The following ARHGEF3 variants were observed in gnomAD, a reference collection of about 807,000 sequenced individuals.
The protein encoded by ARHGEF3 is Rho guanine nucleotide exchange factor 3.
Under a neutral mutation model 63.2 loss-of-function variants are expected in ARHGEF3, and 28 were observed. The ratio of observed to expected loss-of-function variants is 0.44; its 90% CI spans 0.33 to 0.61. The LOEUF (loss-of-function observed/expected upper bound fraction) is 0.61. ARHGEF3 is among the 20% of genes least tolerant of loss of function. ARHGEF3 has a pLI of 0.03. For synonymous variants in ARHGEF3, 266 were observed against 254.2 expected, an observed-to-expected ratio of 1.05 and a Z score of -0.44; for missense variants, 533 against 659.3, an observed-to-expected ratio of 0.81 and a Z score of 2.10.
chr3:57,073,836 C>T (rs1706068661), intron 1 of ARHGEF3: 2 of 1,614,108 alleles, frequency 1.2e-6, no homozygotes, highest in African/African-American at 1.3e-5. Flanking sequence ...CAACAAACCC[C>T]ACTGTGCACT....
At chr3:57,039,554 A>G (rs1704093562) in intron 1 of ARHGEF3, among the ~76,000 whole-genome samples, 2 of 152,142 alleles carry the variant, frequency 1.3e-5, no homozygotes, top group African/African-American at 4.8e-5. Context: ...AACAGCACAA[A>G]TGTATCTCCT....
At chr3:56,802,052 C>T (rs2037686601), upstream of ARHGEF3, 1 of 1,334,960 alleles carries the variant, frequency 7.5e-7, no homozygotes, top group African/African-American at 1.6e-5. Flanking sequence ...CGGGAGGGCC[C>T]ACGTGCCGCA....
intron 3 of ARHGEF3, among the ~76,000 whole-genome samples, chr3:56,921,225 A>AAC (rs1386884941): frequency 2.0e-5 from 3 of 148,036 alleles, no homozygotes; most frequent in Admixed American, 6.7e-5. Flanking sequence ...AAAAAGACCA[A>AAC]AAAAAAAAAG....
chr3:56,731,414 C>T (rs2033147588), intron 9 of ARHGEF3, among the ~76,000 whole-genome samples: 1 of 151,710 alleles, frequency 6.6e-6, no homozygotes, highest in Non-Finnish European at 1.5e-5. Context: ...CCCTGTACTC[C>T]CAGTTACTTG....
At chr3:56,847,186 A>G (rs1165181772) in intron 4 of ARHGEF3, among the ~76,000 whole-genome samples, 1 of 152,226 alleles carries the variant, frequency 6.6e-6, no homozygotes, top group South Asian at 2.1e-4. Flanking sequence ...AACTACAGAT[A>G]GAAAGATTCA....
intron 1 of ARHGEF3, among the ~76,000 whole-genome samples, chr3:57,043,480 G>A (rs1308203462): frequency 1.0e-5 from 1 of 98,122 alleles, no homozygotes; most frequent in Non-Finnish European, 2.1e-5. Context: ...TACTAAAATT[G>A]TTTCAAAGTT....
chr3:56,851,530 G>A (rs2039674322), intron 4 of ARHGEF3, among the ~76,000 whole-genome samples: 1 of 152,170 alleles, frequency 6.6e-6, no homozygotes, highest in Admixed American at 6.5e-5. Context: ...TGGGACTACA[G>A]GTGCACACCA....
chr3:56,838,004 G>C (rs986776858), intron 4 of ARHGEF3, among the ~76,000 whole-genome samples: 6 of 152,184 alleles, frequency 3.9e-5, no homozygotes, highest in African/African-American at 1.4e-4. Flanking sequence ...CAGCCTCTTG[G>C]ATGTGTGCAG....
chr3:57,016,626 C>G (rs576656635), intron 2 of ARHGEF3, among the ~76,000 whole-genome samples: 2 of 152,044 alleles, frequency 1.3e-5, no homozygotes, highest in African/African-American at 2.4e-5. Flanking sequence ...AAAGACTTCT[C>G]GAATGTGTGG....
chr3:56,732,154 T>A, intron 9 of ARHGEF3, 84 bp downstream of exon 9: 2 of 1,526,716 alleles, frequency 1.3e-6, no homozygotes, highest in Non-Finnish European at 1.8e-6. Flanking sequence ...GACCGTGGCT[T>A]TTCTCTTTCC....
intron 2 of ARHGEF3, among the ~76,000 whole-genome samples, chr3:56,985,995 G>A (rs184375200): frequency 4.6e-5 from 7 of 152,302 alleles, no homozygotes; most frequent in Non-Finnish European, 1.0e-4. Context: ...AAAGAGCCAG[G>A]CCTCAGAAAC....
intron 2 of ARHGEF3, among the ~76,000 whole-genome samples, chr3:56,962,877 G>T (rs569007688): frequency 6.6e-6 from 1 of 152,306 alleles, no homozygotes; most frequent in East Asian, 1.9e-4. Flanking sequence ...GGTTAGTGCA[G>T]AATTTATTTT....
Position 56,971,922 on chromosome 3 carries a change from G to A in ARHGEF3, c.63-13033C>T, listed in dbSNP as rs537818862. On this transcript the variant is annotated intron_variant, in intron 2 of 12. Transcript: ENST00000338458. ...GATTTTCACCTTACTAACCCCACCT[G>A]GTGTGGTTCCCTTGTCTCCTCATCC... Among the ~76,000 whole-genome samples the A allele has an allele frequency of 2.6e-4, 40 of 151,198 alleles. 3 individuals carry two copies. The highest frequency in any genetic ancestry group is 9.7e-4 in the African/African-American group (40 of 41,334).
At chr3:56,916,937 T>G (rs1244097903) in intron 3 of ARHGEF3, among the ~76,000 whole-genome samples, 2 of 152,184 alleles carry the variant, frequency 1.3e-5, no homozygotes, top group Admixed American at 6.5e-5. Context: ...AAACCTGGCA[T>G]CTTCTCTTCA....
At chr3:56,859,432 C>T (rs980317543) in intron 4 of ARHGEF3, among the ~76,000 whole-genome samples, 2 of 152,040 alleles carry the variant, frequency 1.3e-5, no homozygotes, top group African/African-American at 4.8e-5. Context: ...AGCCACCGTG[C>T]TCAGCCTGTA....
rs1464024249 is a variant in ARHGEF3, at chr3:56,729,295, C to A, written c.1556G>T (p.Ser519Ile). ...TCAGACGTTACTTTCACCGTGCCTGCTGTTTCCACAGGAAGAGTCTGTCTG... is the reference window on the plus strand; with the variant it reads ...TCAGACGTTACTTTCACCGTGCCTGATGTTTCCACAGGAAGAGTCTGTCTG... ...MEQTDSSCGN[S>I]RHGESNV Residue 519 changes from serine (S) to isoleucine (I), a missense_variant, in exon 10 of 10, where the codon AGC becomes ATC. Transcript: ENST00000296315. 6.2e-7 allele frequency: 1 copy of A among 1,613,464 alleles called. No individual in the cohort carries two copies. The highest frequency in any genetic ancestry group is 1.7e-5 in the Admixed American group (1 of 59,988).
chr3:57,030,054 C>G (rs548212957), intron 2 of ARHGEF3, among the ~76,000 whole-genome samples: 1 of 152,194 alleles, frequency 6.6e-6, no homozygotes, highest in Non-Finnish European at 1.5e-5. Flanking sequence ...GAAACCACCA[C>G]GTCTAATGGG....
rs189772610 is a variant in ARHGEF3 at position 56,973,573 on chromosome 3, T to C, written c.63-14684A>G. On this transcript the variant is annotated intron_variant, in intron 2 of 12. Transcript: ENST00000338458. ...GAGACTATTTTCAGAAATCATCAGC[T>C]TGCAGACATGAGAAGAGCCCCATGA... 3.3e-5 allele frequency among the ~76,000 whole-genome samples: 5 copies of C among 152,170 alleles called. No homozygotes were observed. The East Asian group carries it at 9.7e-4, about 29-fold the overall frequency.
At chr3:56,903,069 T>TACACAC (rs55802504) in intron 3 of ARHGEF3, among the ~76,000 whole-genome samples, 18,409 of 147,838 alleles carry the variant, frequency 0.12, 1,445 homozygotes, top group Middle Eastern at 0.18. Context: ...TCTCTAAACA[T>TACACAC]ACACACACAC....
Sources: allele counts gnomAD v4.1 joint callset (sites outside exome capture counted in the v4.1 genomes callset), GRCh38; gene constraint gnomAD v4.1.1; transcripts MANE v1.5; gene names NCBI Gene and HGNC (gene_info 2026-07-23, HGNC 2026-07-21).